The following LRRC49 variants were observed in gnomAD, a reference collection of about 807,000 sequenced individuals.
LRRC49 encodes the protein leucine rich repeat containing 49.
LRRC49 carries 50 observed loss-of-function variants against 83.3 expected under a neutral mutation model. The ratio of observed to expected loss-of-function variants is 0.60; its 90% CI spans 0.48 to 0.76. The LOEUF is 0.76. Ranked by LOEUF, LRRC49 falls within the 30% of genes least tolerant of loss-of-function variation. LRRC49 has a pLI of 0.00. For synonymous variants in LRRC49, 286 were observed against 283.3 expected, an observed-to-expected ratio of 1.01 and a Z score of -0.10; for missense variants, 704 against 809.1, an observed-to-expected ratio of 0.87 and a Z score of 1.58.
intron 11 of LRRC49, among the ~76,000 whole-genome samples, chr15:71,006,730 A>T (rs2038471960): frequency 6.6e-6 from 1 of 152,146 alleles, no homozygotes; most frequent in African/African-American, 2.4e-5. Flanking sequence ...AGTAAGAGAG[A>T]TATAGATAAG....
intron 1 of LRRC49, among the ~76,000 whole-genome samples, chr15:70,871,530 G>C (rs1227754285): frequency 6.6e-6 from 1 of 151,102 alleles, no homozygotes; most frequent in Non-Finnish European, 1.5e-5. Flanking sequence ...CGGGGCGACC[G>C]GGCAGAGGCG....
At chr15:70,934,417 G>T (rs1006659426) in intron 7 of LRRC49, among the ~76,000 whole-genome samples, 1 of 152,090 alleles carries the variant, frequency 6.6e-6, no homozygotes, top group African/African-American at 2.4e-5. Flanking sequence ...TCTGGAAAGG[G>T]TATCTATGTA....
At chr15:70,905,155 T>C (rs2034252340) in intron 5 of LRRC49, among the ~76,000 whole-genome samples, 2 of 152,198 alleles carry the variant, frequency 1.3e-5, no homozygotes, top group South Asian at 4.1e-4. Context: ...ATCTCACAAA[T>C]TGATTCTTTT....
intron 8 of LRRC49, among the ~76,000 whole-genome samples, chr15:70,960,641 T>G (rs2036572957): frequency 6.6e-6 from 1 of 152,090 alleles, no homozygotes; most frequent in Non-Finnish European, 1.5e-5. Flanking sequence ...ACAAATATAT[T>G]CAGGTGATCT....
intron 8 of LRRC49, among the ~76,000 whole-genome samples, chr15:70,953,480 G>A (rs2036291404): frequency 6.6e-6 from 1 of 152,136 alleles, no homozygotes; most frequent in Non-Finnish European, 1.5e-5. Flanking sequence ...GGCTTATAAG[G>A]TTTCTACTAA....
intron 14 of LRRC49, among the ~76,000 whole-genome samples, chr15:71,022,718 A>G (rs368526691): frequency 1.3e-5 from 2 of 152,248 alleles, no homozygotes; most frequent in African/African-American, 4.8e-5. Context: ...AGAACTACAA[A>G]TCCACAATTA....
chr15:71,050,202 C>T lies in LRRC49; in HGVS notation c.*590C>T, dbSNP rs2039975452. 6.8e-6 allele frequency: 1 copy of T among 146,392 alleles called. No homozygotes were observed. The highest frequency in any genetic ancestry group is 2.4e-5 in the African/African-American group (1 of 41,212). 9.1% of individuals were successfully genotyped at this position (146,392 alleles called of 1,614,324 possible). On this transcript the variant is annotated 3_prime_UTR_variant, in exon 16 of 16. Coordinates refer to ENST00000260382, the MANE Select transcript of LRRC49 (RefSeq NM_017691.5). ...CCCCATTCTTCTAGGAATGCATTCT[C>T]AGGGAACCACAGGAGGTCCTGGGAA... is the stretch of plus-strand genomic sequence containing the variant.
intron 15 of LRRC49, among the ~76,000 whole-genome samples, chr15:71,038,063 A>C (rs1015457059): frequency 3.3e-5 from 5 of 152,166 alleles, no homozygotes; most frequent in Non-Finnish European, 2.9e-5. Context: ...AAAGGGGCAA[A>C]AGAACAAGAA....
At chr15:70,878,677 G>C (rs2033201960) in intron 2 of LRRC49, among the ~76,000 whole-genome samples, 1 of 152,102 alleles carries the variant, frequency 6.6e-6, no homozygotes, top group African/African-American at 2.4e-5. Context: ...GTTGACTTTT[G>C]TCAAATGTTT....
chr15:70,987,269 C>T (rs1215988327), intron 11 of LRRC49, among the ~76,000 whole-genome samples: 1 of 152,088 alleles, frequency 6.6e-6, no homozygotes, highest in Non-Finnish European at 1.5e-5. Context: ...TGGTCCTGGA[C>T]TCTTTTTGGT....
intron 2 of LRRC49, among the ~76,000 whole-genome samples, chr15:70,878,128 G>A (rs534436721): frequency 2.0e-5 from 3 of 152,198 alleles, no homozygotes; most frequent in East Asian, 3.9e-4. Flanking sequence ...CAGCCTGGGC[G>A]ACAGAGTGAG....
intron 3 of LRRC49, among the ~76,000 whole-genome samples, chr15:70,898,660 G>A (rs745984420): frequency 6.6e-6 from 1 of 152,096 alleles, no homozygotes; most frequent in Non-Finnish European, 1.5e-5. Context: ...GCACATGCCT[G>A]TAGTCCCAGG....
At chr15:70,980,572 GT>G (rs1333960209) in intron 10 of LRRC49, among the ~76,000 whole-genome samples, 7,056 of 135,238 alleles carry the variant, frequency 0.052, 518 homozygotes, top group African/African-American at 0.17. Flanking sequence ...GCTCTGCTAC[GT>G]TTTTTTTTTT....
Position 70,854,899 on chromosome 15 carries a change from G to C in LRRC49, c.-299+1430G>C, listed in dbSNP as rs561021512. Among the ~76,000 whole-genome samples, 7 of 152,336 alleles carry C rather than the reference G, an allele frequency of 4.6e-5. No individual in the cohort carries two copies. The South Asian group carries it at 1.2e-3, about 27-fold the overall frequency. On this transcript the variant is annotated intron_variant, in intron 1 of 16. Transcript: ENST00000544974. Reference sequence around the variant, plus strand: ...ATGCCCTGCACATAGTATGCACTCAGATGTTTGTTGAATGAATAAAGGGAG... The same window carrying C: ...ATGCCCTGCACATAGTATGCACTCACATGTTTGTTGAATGAATAAAGGGAG...
At chr15:71,026,303 A>G (rs1359986689) in intron 14 of LRRC49, among the ~76,000 whole-genome samples, 2 of 152,062 alleles carry the variant, frequency 1.3e-5, no homozygotes, top group African/African-American at 4.8e-5. Context: ...ACATTTTTTT[A>G]TTCAGTCTAT....
chr15:70,878,643 G>A (rs2141081741), intron 2 of LRRC49, among the ~76,000 whole-genome samples: 1 of 152,184 alleles, frequency 6.6e-6, no homozygotes, highest in African/African-American at 2.4e-5. Flanking sequence ...TTAGTTTATT[G>A]GTAGGTTTTT....
chr15:70,970,601 A>G (rs958252039), intron 9 of LRRC49, among the ~76,000 whole-genome samples: 1 of 152,100 alleles, frequency 6.6e-6, no homozygotes, highest in Non-Finnish European at 1.5e-5. Flanking sequence ...TCAGCTGTGA[A>G]TCCATCTGGT....
chr15:70,862,252 T>A (rs571571260), intron 1 of LRRC49, among the ~76,000 whole-genome samples: 52 of 152,188 alleles, frequency 3.4e-4, no homozygotes, highest in Non-Finnish European at 6.6e-4. Flanking sequence ...AGTTGCATGT[T>A]AGAATCTTAG....
chr15:70,944,551 T>A (rs1306454524), intron 8 of LRRC49, among the ~76,000 whole-genome samples: 2 of 152,114 alleles, frequency 1.3e-5, no homozygotes, highest in Non-Finnish European at 2.9e-5. Flanking sequence ...ACTACAGGTG[T>A]GTGCCACCAT....
Sources: gnomAD v4.1 joint callset for allele counts (sites outside exome capture counted in the v4.1 genomes callset) on GRCh38, gnomAD v4.1.1 for gene constraint, MANE v1.5 for transcripts, NCBI Gene and HGNC (gene_info 2026-07-23, HGNC 2026-07-21) for gene names.